Variants in CFAP96 observed in about 807,000 individuals in gnomAD.
The protein encoded by CFAP96 is cilia and flagella associated protein 96.
chr4:185,445,332 A>G, the CFAP96 span: 1 of 719,082 alleles, frequency 1.4e-6, no homozygotes, highest in African/African-American at 1.8e-5. Context: ...TTCCCAGCTG[A>G]GAAAGCTTAA....
At chr4:185,446,463 C>G in the CFAP96 span, among the ~76,000 whole-genome samples, 1 of 152,040 alleles carries the variant, frequency 6.6e-6, no homozygotes, top group African/African-American at 2.4e-5. Flanking sequence ...TAACAATGGC[C>G]TTTTTTCACT....
At chr4:185,427,394 G>A in the CFAP96 span, among the ~76,000 whole-genome samples, 1 of 152,340 alleles carries the variant, frequency 6.6e-6, no homozygotes, top group Middle Eastern at 3.4e-3. Context: ...TTACGTATTA[G>A]CAATGATTCA....
At chr4:185,419,707 C>T in the CFAP96 span, among the ~76,000 whole-genome samples, 39 of 152,208 alleles carry the variant, frequency 2.6e-4, no homozygotes, top group Non-Finnish European at 5.3e-4. Flanking sequence ...GCTTCTTTCA[C>T]TTAGCTTAAT....
At chr4:185,429,360 A>G in the CFAP96 span, 8 of 1,093,972 alleles carry the variant, frequency 7.3e-6, no homozygotes, top group Non-Finnish European at 1.0e-5. Flanking sequence ...ACGTGACCCT[A>G]GGGAAACTTT....
chr4:185,436,270 C>G, the CFAP96 span: 11 of 1,549,244 alleles, frequency 7.1e-6, no homozygotes, highest in Non-Finnish European at 9.6e-6. Context: ...CCATTACTTA[C>G]TTTGCTTTCT....
chr4:185,439,773 CTA>C, the CFAP96 span, among the ~76,000 whole-genome samples: 12 of 141,906 alleles, frequency 8.5e-5, no homozygotes, highest in Non-Finnish European at 1.2e-4. Flanking sequence ...ATATATGTAT[CTA>C]TATCTCATAT....
At chr4:185,410,599 G>C in the CFAP96 span, among the ~76,000 whole-genome samples, 5 of 152,060 alleles carry the variant, frequency 3.3e-5, no homozygotes, top group South Asian at 2.1e-4. Context: ...AGTGAGCTGA[G>C]ATCATGCCAC....
chr4:185,416,960 A>G, the CFAP96 span, among the ~76,000 whole-genome samples: 3 of 152,200 alleles, frequency 2.0e-5, no homozygotes, highest in Non-Finnish European at 4.4e-5. Context: ...AATGGATGCT[A>G]AAAGTGGTGG....
At chr4:185,434,584 T>G in the CFAP96 span, among the ~76,000 whole-genome samples, 1 of 152,148 alleles carries the variant, frequency 6.6e-6, no homozygotes. Context: ...TTAGACTAGC[T>G]TTCCTTTTTT....
At chr4:185,422,459 A>G in the CFAP96 span, 1 of 1,563,620 alleles carries the variant, frequency 6.4e-7, no homozygotes, top group Non-Finnish European at 8.7e-7. Context: ...ATTTTCTAAT[A>G]AAAAAGAATT....
chr4:185,441,413 A>G, the CFAP96 span, among the ~76,000 whole-genome samples: 1 of 150,960 alleles, frequency 6.6e-6, no homozygotes, highest in African/African-American at 2.4e-5. Flanking sequence ...TATTAAGGGT[A>G]CTAGTCTTGT....
At chr4:185,436,635 A>C in the CFAP96 span, among the ~76,000 whole-genome samples, 1 of 151,852 alleles carries the variant, frequency 6.6e-6, no homozygotes, top group East Asian at 1.9e-4. Context: ...GCTTGAACCC[A>C]GGATACGGAG....
chr4:185,444,205 G>A, the CFAP96 span, among the ~76,000 whole-genome samples: 39 of 149,404 alleles, frequency 2.6e-4, no homozygotes, highest in East Asian at 7.3e-3. Flanking sequence ...CACCCGCCTC[G>A]GCCTCCCAAA....
At chr4:185,428,052 C>T in the CFAP96 span, among the ~76,000 whole-genome samples, 1 of 150,010 alleles carries the variant, frequency 6.7e-6, no homozygotes, top group African/African-American at 2.5e-5. Context: ...CGCTATTGCA[C>T]TCCATCCTGG....
At chr4:185,418,279 T>G in the CFAP96 span, among the ~76,000 whole-genome samples, 1 of 152,180 alleles carries the variant, frequency 6.6e-6, no homozygotes, top group Non-Finnish European at 1.5e-5. Flanking sequence ...AAAACTTAGA[T>G]AAGTAAGACA....
chr4:185,429,302 T>TC, the CFAP96 span: 1 of 571,062 alleles, frequency 1.8e-6, no homozygotes, highest in East Asian at 3.4e-5. Flanking sequence ...TCTAAACTTT[T>TC]CCCCTTTATT....
chr4:185,423,048 G>A, the CFAP96 span, among the ~76,000 whole-genome samples: 1 of 152,118 alleles, frequency 6.6e-6, no homozygotes, highest in Non-Finnish European at 1.5e-5. Flanking sequence ...TAGTAAGGAC[G>A]GGATCTCAGA....
chr4:185,445,089 A>G, the CFAP96 span: 6 of 1,551,674 alleles, frequency 3.9e-6, no homozygotes, highest in Non-Finnish European at 5.2e-6. Flanking sequence ...GTGGACCAAA[A>G]AGCAGACCAG....
the CFAP96 span, among the ~76,000 whole-genome samples, chr4:185,435,357 G>T: frequency 1.2e-4 from 19 of 152,094 alleles, no homozygotes; most frequent in African/African-American, 4.6e-4. Context: ...GGTTTCATGT[G>T]TCTTGTAGAC....
Sources: gnomAD v4.1 joint callset for allele counts (sites outside exome capture counted in the v4.1 genomes callset) on GRCh38, gnomAD v4.1.1 for gene constraint, MANE v1.5 for transcripts, NCBI Gene and HGNC (gene_info 2026-07-23, HGNC 2026-07-21) for gene names.